The following CSMD1 variants were observed in gnomAD, a reference collection of about 807,000 sequenced individuals.
CSMD1 encodes CUB and sushi domain-containing protein 1.
A neutral mutation model predicts 417.5 loss-of-function variants in CSMD1; 213 were observed. The ratio of observed to expected loss-of-function variants is 0.51; its 90% confidence interval spans 0.46 to 0.57. The LOEUF (loss-of-function observed/expected upper bound fraction) is 0.57, where lower values mean the gene tolerates loss of function less well. Ranked by LOEUF, CSMD1 falls within the 20% of genes least tolerant of loss-of-function variation. The probability of loss-of-function intolerance (pLI) is 0.00; values close to 1 mark genes in which losing one functional copy is unlikely to be tolerated. For missense variants in CSMD1, 6,923 were observed against 4,529.7 expected (o/e 1.53, Z -15.17); for synonymous variants, 2,862 against 1,736.8 (o/e 1.65, Z -16.11).
chr8:2,942,742 C>A (rs1801969683), intron 68 of CSMD1, 138 bp from the exon 69 acceptor site: 2 of 633,162 alleles, frequency 3.2e-6, no homozygotes, highest in Admixed American at 6.7e-5. Flanking sequence ...AAATGATATT[C>A]TTTTCTAAAG....
At chr8:4,307,336 G>A (rs925378916) in intron 3 of CSMD1, among the ~76,000 whole-genome samples, 1 of 152,114 alleles carries the variant, frequency 6.6e-6, no homozygotes, top group Admixed American at 6.6e-5. Context: ...CATTGAGGCT[G>A]AAAATGAGTC....
At chr8:3,344,121 A>T (rs1015975063) in intron 22 of CSMD1, among the ~76,000 whole-genome samples, 1 of 152,232 alleles carries the variant, frequency 6.6e-6, no homozygotes, top group South Asian at 2.1e-4. Context: ...TAAGGAAGAC[A>T]AGGCTTGGTT....
At chr8:3,134,935 T>C (rs1322049857) in intron 41 of CSMD1, among the ~76,000 whole-genome samples, 3 of 152,186 alleles carry the variant, frequency 2.0e-5, no homozygotes, top group Non-Finnish European at 4.4e-5. Context: ...TTGTCATTAT[T>C]ATTACTGAGA....
At chr8:3,789,024 G>A (rs369883678) in intron 5 of CSMD1, among the ~76,000 whole-genome samples, 1 of 152,162 alleles carries the variant, frequency 6.6e-6, no homozygotes, top group South Asian at 2.1e-4. Context: ...CAAATTAGGA[G>A]GATGCTATGT....
At chr8:4,102,532 G>A (rs762541742) in intron 3 of CSMD1, among the ~76,000 whole-genome samples, 8 of 152,074 alleles carry the variant, frequency 5.3e-5, no homozygotes, top group Non-Finnish European at 8.8e-5. Flanking sequence ...GGAGGCTTAT[G>A]GTCACTGAAA....
chr8:3,837,994 C>T (rs1409822111), intron 5 of CSMD1, among the ~76,000 whole-genome samples: 1 of 152,068 alleles, frequency 6.6e-6, no homozygotes, highest in Non-Finnish European at 1.5e-5. Context: ...GCTTCTTGGA[C>T]TTCTGATGCC....
chr8:4,618,099 G>A (rs1049749323), intron 2 of CSMD1, among the ~76,000 whole-genome samples: 3 of 152,022 alleles, frequency 2.0e-5, no homozygotes, highest in African/African-American at 4.8e-5. Context: ...ACAATCTGCC[G>A]AGGTGCCAAA....
At chr8:4,522,818 A>G (rs1803542178) in intron 2 of CSMD1, among the ~76,000 whole-genome samples, 1 of 152,178 alleles carries the variant, frequency 6.6e-6, no homozygotes, top group African/African-American at 2.4e-5. Context: ...AAGAACAGTA[A>G]GAATAGCACA....
At position 3,362,659 on chromosome 8, in the gene CSMD1, C is replaced by G. The variant is rs138175418; in HGVS notation, c.3116-3319G>C. 1.5e-3 allele frequency among the ~76,000 whole-genome samples: 227 copies of G among 152,298 alleles called. No homozygotes were observed. In the Middle Eastern group the frequency reaches 0.034, roughly 23 times the overall value. On this transcript the variant is annotated intron_variant, in intron 20 of 69. Coordinates refer to ENST00000635120, the MANE Select transcript of CSMD1 (RefSeq NM_033225.6). ...TTGTCAATCACTCTTGAATACATCC[C>G]TCAATATCCCCAGGAGAAAAAGGTC...
intron 3 of CSMD1, among the ~76,000 whole-genome samples, chr8:4,214,905 A>G: frequency 6.6e-6 from 1 of 152,130 alleles, no homozygotes; most frequent in Non-Finnish European, 1.5e-5. Flanking sequence ...TAAGTTTTAC[A>G]ACTTGTTTTT....
intron 1 of CSMD1, among the ~76,000 whole-genome samples, chr8:4,753,920 G>A (rs879638869): frequency 6.6e-6 from 1 of 152,134 alleles, no homozygotes; most frequent in East Asian, 1.9e-4. Flanking sequence ...TCTGTTACCA[G>A]CACATGCGAG....
At chr8:3,707,844 A>G (rs1197576873) in intron 7 of CSMD1, among the ~76,000 whole-genome samples, 3 of 152,124 alleles carry the variant, frequency 2.0e-5, no homozygotes, top group Admixed American at 2.0e-4. Flanking sequence ...AAGGCACCAA[A>G]ATGGCAGGTG....
intron 10 of CSMD1, among the ~76,000 whole-genome samples, chr8:3,500,827 G>A (rs1796569905): frequency 1.3e-5 from 2 of 152,210 alleles, no homozygotes; most frequent in South Asian, 2.1e-4. Context: ...AGAATGGGAT[G>A]TGAGGAAGCG....
intron 2 of CSMD1, among the ~76,000 whole-genome samples, chr8:4,457,246 TG>T (rs1163623245): frequency 1.3e-5 from 2 of 152,132 alleles, no homozygotes; most frequent in Non-Finnish European, 2.9e-5. Flanking sequence ...CTCAACCAAG[TG>T]GTTTTACCTG....
chr8:4,397,791 C>T, intron 3 of CSMD1, among the ~76,000 whole-genome samples: 1 of 151,988 alleles, frequency 6.6e-6, no homozygotes, highest in Middle Eastern at 3.2e-3. Flanking sequence ...ACATGTATCT[C>T]AATATTACAT....
chr8:4,264,036 T>C (rs184379437), intron 3 of CSMD1, among the ~76,000 whole-genome samples: 111 of 152,276 alleles, frequency 7.3e-4, no homozygotes, highest in African/African-American at 2.6e-3. Flanking sequence ...CTCCATGAAC[T>C]TGGGCAAGTT....
chr8:4,264,705 A>G (rs1804127413), intron 3 of CSMD1, among the ~76,000 whole-genome samples: 1 of 152,166 alleles, frequency 6.6e-6, no homozygotes, highest in Non-Finnish European at 1.5e-5. Context: ...GGGCCTTAAA[A>G]CAAACACTGA....
chr8:4,049,985 G>C (rs1435229889), intron 3 of CSMD1, among the ~76,000 whole-genome samples: 7 of 152,138 alleles, frequency 4.6e-5, no homozygotes, highest in African/African-American at 1.4e-4. Flanking sequence ...CAGCTTCTCG[G>C]ACCTCCCTTG....
chr8:3,709,864 T>G (rs1265232712), intron 6 of CSMD1, among the ~76,000 whole-genome samples: 2 of 150,980 alleles, frequency 1.3e-5, no homozygotes, highest in African/African-American at 4.9e-5. Flanking sequence ...TGTGTGTGTG[T>G]GTGTACACAT....
Sources: gnomAD v4.1 joint callset for allele counts (sites outside exome capture counted in the v4.1 genomes callset) on GRCh38, gnomAD v4.1.1 for gene constraint, MANE v1.5 for transcripts, NCBI Gene and HGNC (gene_info 2026-07-23, HGNC 2026-07-21) for gene names.